DUSP10: variants seen among roughly 807,000 people sequenced by gnomAD.
The protein encoded by DUSP10 is dual specificity phosphatase 10, also known as dual specificity protein phosphatase 10.
DUSP10 carries 14 observed loss-of-function variants against 30.8 expected under a neutral mutation model. That is an observed-to-expected ratio of 0.46 (90% CI 0.30 to 0.71). DUSP10 has a LOEUF of 0.71. Ranked by LOEUF, DUSP10 falls within the 30% of genes least tolerant of loss-of-function variation. The pLI is 0.08. For missense variants in DUSP10, 550 were observed against 619.4 expected (o/e 0.89, Z 1.19); for synonymous variants, 254 against 250.4 (o/e 1.01, Z -0.14).
rs1661488240 is a variant in DUSP10, at chr1:221,728,465, C to T, written c.811+10469G>A. On this transcript the variant is annotated intron_variant, in intron 2 of 3. Coordinates refer to ENST00000366899, the MANE Select transcript of DUSP10 (RefSeq NM_007207.6). ...CCCAGGGTCTGTCCTTGCCACACCT[C>T]CAGATTACCTGAGCTATATTTGTAG... is the stretch of plus-strand genomic sequence containing the variant. Among the ~76,000 whole-genome samples the T allele has an allele frequency of 2.6e-5, 4 of 152,108 alleles. No individual in the cohort carries two copies. In the South Asian group the frequency reaches 8.3e-4, roughly 32 times the overall value.
At chr1:221,703,336 A>C (rs1394666070) in intron 3 of DUSP10, among the ~76,000 whole-genome samples, 2 of 152,112 alleles carry the variant, frequency 1.3e-5, no homozygotes, top group Non-Finnish European at 2.9e-5. Context: ...TAGAGAAAAA[A>C]CACTTTCTTT....
At chr1:221,719,964 G>A (rs1170778135) in intron 2 of DUSP10, among the ~76,000 whole-genome samples, 2 of 152,068 alleles carry the variant, frequency 1.3e-5, no homozygotes, top group Admixed American at 6.6e-5. Context: ...AATGAACAAT[G>A]GCAAGAACAA....
At chr1:221,738,894 C>T (rs1391226466) in intron 2 of DUSP10, 40 bp downstream of exon 2, 1 of 1,545,506 alleles carries the variant, frequency 6.5e-7, no homozygotes, top group Non-Finnish European at 8.7e-7. Context: ...GTGAACCCGG[C>T]TAATCAGGAC....
At position 221,740,899 on chromosome 1, in the gene DUSP10, CTCT is replaced by C. The variant is rs1661935834; in HGVS notation, c.-44+1079_-44+1081del. Among the ~76,000 whole-genome samples, 4 of 152,308 alleles carry C rather than the reference CTCT, an allele frequency of 2.6e-5. No homozygotes were observed. In the South Asian group the frequency reaches 8.3e-4, roughly 32 times the overall value. Reference sequence around the variant, plus strand: ...GCACTCTACAACTCAGGCTTGCTAACTCTTCTTCTTCTATTAGACATGCACATA... The same window carrying C: ...GCACTCTACAACTCAGGCTTGCTAACTCTTCTTCTATTAGACATGCACATA... On this transcript the variant is annotated intron_variant, in intron 1 of 3. Transcript: ENST00000366899.
chr1:221,738,044 G>T (rs1571834578), intron 2 of DUSP10, among the ~76,000 whole-genome samples: 1 of 152,200 alleles, frequency 6.6e-6, no homozygotes, highest in South Asian at 2.1e-4. Flanking sequence ...TGCCCCAAAA[G>T]TCAGTATCTG....
intron 2 of DUSP10, among the ~76,000 whole-genome samples, chr1:221,712,841 CCAAGTG>C (rs1382681346): frequency 1.3e-5 from 2 of 148,874 alleles, no homozygotes; most frequent in African/African-American, 2.5e-5. Flanking sequence ...CTGCCACATG[CCAAGTG>C]TGTGACTTTT....
intron 2 of DUSP10, among the ~76,000 whole-genome samples, chr1:221,730,231 C>T (rs74144919): frequency 2.8e-4 from 42 of 152,196 alleles, no homozygotes; most frequent in African/African-American, 8.2e-4. Context: ...ATTAAGGAAC[C>T]GGATAGTGAT....
rs1266524759 is a variant in DUSP10, at chr1:221,739,350, C to A, written c.395G>T (p.Gly132Val). ...ENTGSLSPSS[G>V]VGSPVSGTPK... is the part of the protein sequence containing the mutation. ...GGTCCCTGACACAGGGCTGCCCACCCCACTTGATGGACTTAGAGAGCCTGT... is the reference window on the plus strand; with the variant it reads ...GGTCCCTGACACAGGGCTGCCCACCACACTTGATGGACTTAGAGAGCCTGT... Residue 132 changes from glycine (G) to valine (V), a missense_variant, in exon 2 of 4, where the codon GGG becomes GTG. Transcript: ENST00000366899. 5 of 1,613,908 alleles carry A rather than the reference C, an allele frequency of 3.1e-6. No individual in the cohort carries two copies. The highest frequency in any genetic ancestry group is 1.1e-5 in the South Asian group (1 of 91,082).
At position 221,706,532 on chromosome 1, in the gene DUSP10, C is replaced by A; in HGVS notation, c.812-66G>T. 1 of 1,303,216 alleles carries A rather than the reference C, an allele frequency of 7.7e-7. No homozygotes were observed. The highest frequency in any genetic ancestry group is 1.0e-6 in the Non-Finnish European group (1 of 986,240). The allele number at this position is 1,303,216 out of a possible 1,614,324, so 80.7% of individuals were successfully genotyped here. On this transcript the variant is annotated intron_variant, in intron 2 of 3. Coordinates refer to ENST00000366899, the MANE Select transcript of DUSP10 (RefSeq NM_007207.6). This position sits in a 1 kb window ranked among gnomAD's most constrained non-coding sequence, Gnocchi z 4.6. ...AGAGCTGGCAGAGAATGCCACCTCC[C>A]CATTAGAATGAGTTTGCATTGTAGC...
chr1:221,740,367 C>T (rs1661916204), intron 1 of DUSP10, among the ~76,000 whole-genome samples: 1 of 152,232 alleles, frequency 6.6e-6, no homozygotes, highest in Non-Finnish European at 1.5e-5. Flanking sequence ...TGGAGCTATT[C>T]TTGCCTTCCA....
intron 2 of DUSP10, among the ~76,000 whole-genome samples, chr1:221,722,139 A>G (rs1055249663): frequency 6.6e-6 from 1 of 152,256 alleles, no homozygotes; most frequent in African/African-American, 2.4e-5. Flanking sequence ...CGATCATATC[A>G]TAAGAGCTAT....
intron 1 of DUSP10, among the ~76,000 whole-genome samples, chr1:221,741,294 C>T (rs1661946848): frequency 1.3e-5 from 2 of 152,292 alleles, no homozygotes; most frequent in African/African-American, 4.8e-5. Context: ...AAAGTCTTTG[C>T]TATTGTGTTA....
chr1:221,708,004 T>C (rs1660816722), intron 2 of DUSP10, among the ~76,000 whole-genome samples: 2 of 152,314 alleles, frequency 1.3e-5, no homozygotes, highest in South Asian at 2.1e-4. Flanking sequence ...ATAATATACA[T>C]GTAAGTGCTA....
At chr1:221,720,320 G>A (rs976043999) in intron 2 of DUSP10, among the ~76,000 whole-genome samples, 2 of 152,088 alleles carry the variant, frequency 1.3e-5, no homozygotes, top group Non-Finnish European at 2.9e-5. Context: ...GAGGAGACAG[G>A]GACTGAAGGT....
chr1:221,721,698 C>T (rs1334914089), intron 2 of DUSP10, among the ~76,000 whole-genome samples: 2 of 152,026 alleles, frequency 1.3e-5, no homozygotes, highest in Admixed American at 1.3e-4. Flanking sequence ...ACTTCTTGGA[C>T]ATTCTATATG....
intron 2 of DUSP10, among the ~76,000 whole-genome samples, chr1:221,737,700 G>A (rs1661821193): frequency 6.6e-6 from 1 of 152,190 alleles, no homozygotes; most frequent in African/African-American, 2.4e-5. Context: ...GTGGGAAGAG[G>A]AGATTGTGTC....
At chr1:221,714,489 A>G (rs1362360251) in intron 2 of DUSP10, among the ~76,000 whole-genome samples, 3 of 152,186 alleles carry the variant, frequency 2.0e-5, no homozygotes, top group Non-Finnish European at 4.4e-5. Flanking sequence ...AGTAAGGAGC[A>G]GACAAGATGG....
At chr1:221,712,239 C>A in intron 2 of DUSP10, among the ~76,000 whole-genome samples, 1 of 152,162 alleles carries the variant, frequency 6.6e-6, no homozygotes. Flanking sequence ...TAGGATCTTG[C>A]CCCCAGGGAA....
chr1:221,729,510 A>G (rs1235665842), intron 2 of DUSP10, among the ~76,000 whole-genome samples: 4 of 152,366 alleles, frequency 2.6e-5, no homozygotes, highest in Middle Eastern at 3.4e-3. Flanking sequence ...ACAAGGGAGA[A>G]AATATTTAAT....
Sources: allele counts gnomAD v4.1 joint callset (sites outside exome capture counted in the v4.1 genomes callset), GRCh38; gene constraint gnomAD v4.1.1; non-coding constraint Gnocchi (gnomAD v3.1); transcripts MANE v1.5; gene names NCBI Gene and HGNC (gene_info 2026-07-23, HGNC 2026-07-21).